ERP27: variants seen among roughly 807,000 people sequenced by gnomAD.
ERP27 encodes the protein endoplasmic reticulum resident protein 27.
A neutral mutation model predicts 27.7 loss-of-function variants in ERP27; 23 were observed. The observed-to-expected ratio is 0.83, with a 90% CI of 0.60 to 1.18. The LOEUF is 1.18. Ranked by LOEUF, ERP27 falls within the 50% of genes most tolerant of loss-of-function variation. The pLI is 0.00. For missense variants in ERP27, 363 were observed against 327.9 expected, an observed-to-expected ratio of 1.11 and a Z score of -0.83; for synonymous variants, 159 against 118.3, an observed-to-expected ratio of 1.34 and a Z score of -2.23.
chr12:14,922,920 C>A (rs10846084), intron 3 of ERP27, among the ~76,000 whole-genome samples: 85,166 of 151,792 alleles, frequency 0.56, 24,986 homozygotes, highest in East Asian at 0.83. Flanking sequence ...ACTAAAAGTA[C>A]AAAAATTAGC....
chr12:14,937,952 C>G lies in ERP27; in HGVS notation c.195G>C (p.Gln65His), dbSNP rs748257063. ...GGGGAATTGCAAGTAGGGAACTAAC[C>G]TGGAAGAAGCCTATGACAGCCACCT... The part of the protein sequence containing the change: ...ATEVAVIGFF[Q>H]DLEIPAVPIL... The change falls in exon 2 of 7, where the codon CAG (glutamine) becomes CAC (histidine). Residue 65 changes from glutamine to histidine, a missense_variant and splice_region_variant. By Grantham distance (24) the Gln-to-His change is conservative. Transcript: ENST00000266397. 5.0e-6 allele frequency: 8 copies of G among 1,613,688 alleles called. No individual in the cohort carries two copies. The South Asian group carries it at 7.7e-5, about 16-fold the overall frequency.
chr12:14,936,099 G>A (rs1447198425), intron 2 of ERP27, among the ~76,000 whole-genome samples: 1 of 151,824 alleles, frequency 6.6e-6, no homozygotes, highest in Non-Finnish European at 1.5e-5. Context: ...TCCTCCCACC[G>A]GCTCTTCCTC....
rs780823751 is a variant in ERP27, at chr12:14,934,968, A to T, written c.221T>A (p.Ile74Lys). 5.0e-6 allele frequency: 8 copies of T among 1,614,148 alleles called. No homozygotes were observed. In the East Asian group the frequency reaches 1.8e-4, roughly 36 times the overall value. The change falls in exon 3 of 7, where the codon ATA (isoleucine) becomes AAA (lysine). Residue 74 changes from isoleucine (I) to lysine (K), a missense_variant. Ile to Lys is a moderately radical substitution (Grantham distance 102). Transcript: ENST00000266397. ...FQDLEIPAVP[I>K]LHSMVQKFPG... ...GAATTTTTGCACCATGCTATGGAGT[A>T]TGGGCACTGCTGGTATTTCTAAATC...
intron 5 of ERP27, 35 bp downstream of exon 5, chr12:14,917,143 G>T (rs1012830048): frequency 1.9e-6 from 3 of 1,613,100 alleles, no homozygotes; most frequent in East Asian, 2.2e-5. Context: ...TCCTGGAGGT[G>T]TGTATGCAAT....
At chr12:14,929,084 T>G in intron 3 of ERP27, 1 of 1,523,910 alleles carries the variant, frequency 6.6e-7, no homozygotes, top group Admixed American at 2.0e-5. Context: ...TTTCTAGGAA[T>G]TCCTAGGTCT....
intron 3 of ERP27, among the ~76,000 whole-genome samples, chr12:14,923,492 A>AATCAATCAATCTATCT (rs1555098901): frequency 2.8e-5 from 4 of 141,160 alleles, no homozygotes; most frequent in Non-Finnish European, 6.2e-5. Context: ...ATCTATAATC[A>AATCAATCAATCTATCT]ATCTATCTAT....
At position 14,925,759 on chromosome 12, in the gene ERP27, C is replaced by T. The variant is rs150287273; in HGVS notation, c.334-4711G>A. 9.9e-3 allele frequency among the ~76,000 whole-genome samples: 1,500 copies of T among 151,854 alleles called. 36 individuals carry two copies. Among genetic ancestry groups the T allele is most frequent in the African/African-American group, 0.033 (1,359 of 41,466 alleles). The stretch of plus-strand genomic sequence containing the variant: ...TTTCTATATCTTTCTTTTTTTAAAA[C>T]CAGCTTATTTTATTTAAAAGAGTGT... On this transcript the variant is annotated intron_variant, in intron 3 of 6. Coordinates refer to ENST00000266397, the MANE Select transcript of ERP27 (RefSeq NM_152321.4).
intron 3 of ERP27, among the ~76,000 whole-genome samples, chr12:14,923,824 C>T (rs189424968): frequency 7.2e-5 from 11 of 152,186 alleles, no homozygotes. Context: ...TTTAGCATAT[C>T]CGTTGCTTCA....
chr12:14,923,931 T>A (rs1367781661), intron 3 of ERP27, among the ~76,000 whole-genome samples: 1 of 152,198 alleles, frequency 6.6e-6, no homozygotes, highest in Non-Finnish European at 1.5e-5. Flanking sequence ...TACTGTGCAA[T>A]AGAATACCTA....
intron 3 of ERP27, among the ~76,000 whole-genome samples, chr12:14,932,162 G>A (rs1004420246): frequency 4.6e-5 from 7 of 152,148 alleles, no homozygotes; most frequent in Non-Finnish European, 1.0e-4. Flanking sequence ...AGATGAATAA[G>A]TCATCGTTTC....
At chr12:14,924,246 T>C (rs1225279036) in intron 3 of ERP27, among the ~76,000 whole-genome samples, 3 of 152,214 alleles carry the variant, frequency 2.0e-5, no homozygotes, top group African/African-American at 7.2e-5. Context: ...ATTGTATATA[T>C]GTACTGCAAT....
intron 2 of ERP27, among the ~76,000 whole-genome samples, chr12:14,936,519 A>T (rs1189676165): frequency 6.6e-6 from 1 of 152,154 alleles, no homozygotes. Context: ...GAAGGAGGAG[A>T]TGTGCAAGGA....
At chr12:14,937,722 G>A (rs1177350303) in intron 2 of ERP27, among the ~76,000 whole-genome samples, 1 of 152,248 alleles carries the variant, frequency 6.6e-6, no homozygotes, top group African/African-American at 2.4e-5. Context: ...AGGAGATGCA[G>A]CCCACAGGCT....
chr12:14,921,150 A>G, intron 3 of ERP27, 102 bp from the exon 4 acceptor site: 1 of 894,222 alleles, frequency 1.1e-6, no homozygotes, highest in Non-Finnish European at 1.8e-6. Context: ...TAAAGCTCTG[A>G]AGACCAAAAG....
chr12:14,923,516 T>TATC (rs1555098933), intron 3 of ERP27, among the ~76,000 whole-genome samples: 6 of 151,730 alleles, frequency 4.0e-5, no homozygotes, highest in Non-Finnish European at 8.8e-5. Flanking sequence ...TCTATCTATC[T>TATC]ATCTATCTAT....
At chr12:14,916,019 G>A (rs772605961) in intron 5 of ERP27, among the ~76,000 whole-genome samples, 2 of 152,028 alleles carry the variant, frequency 1.3e-5, no homozygotes, top group Non-Finnish European at 1.5e-5. Flanking sequence ...GGTCTACTTG[G>A]GGGGTGGAGG....
chr12:14,936,821 G>A (rs1283558014), intron 2 of ERP27, among the ~76,000 whole-genome samples: 5 of 152,130 alleles, frequency 3.3e-5, no homozygotes, highest in African/African-American at 1.2e-4. Context: ...AAGCTATGCT[G>A]AACTGTGATT....
At chr12:14,931,392 C>G (rs1389954313) in intron 3 of ERP27, among the ~76,000 whole-genome samples, 1 of 143,626 alleles carries the variant, frequency 7.0e-6, no homozygotes, top group Admixed American at 6.9e-5. Context: ...GTGCTCCAAA[C>G]TCTTGAATAA....
chr12:14,916,578 T>C (rs1040068847), intron 5 of ERP27, among the ~76,000 whole-genome samples: 7 of 152,236 alleles, frequency 4.6e-5, no homozygotes, highest in African/African-American at 1.7e-4. Flanking sequence ...CAGATGATTG[T>C]CTACTTTCAG....
Sources: allele counts gnomAD v4.1 joint callset (sites outside exome capture counted in the v4.1 genomes callset), GRCh38; gene constraint gnomAD v4.1.1; transcripts MANE v1.5; gene names NCBI Gene and HGNC (gene_info 2026-07-23, HGNC 2026-07-21).